Variants in CNTNAP2 observed in about 807,000 individuals in gnomAD.
CNTNAP2 encodes the protein contactin-associated protein-like 2.
A neutral mutation model predicts 155.2 loss-of-function variants in CNTNAP2; 98 were observed. That is an observed-to-expected ratio of 0.63 (90% CI 0.54 to 0.75). The LOEUF (loss-of-function observed/expected upper bound fraction) is 0.75, where lower values mean the gene tolerates loss of function less well. Ranked by LOEUF, CNTNAP2 falls within the 30% of genes least tolerant of loss-of-function variation. The probability of loss-of-function intolerance (pLI) is 0.00; values close to 1 mark genes in which losing one functional copy is unlikely to be tolerated. For missense variants in CNTNAP2, 1,727 were observed against 1,688.1 expected, an observed-to-expected ratio of 1.02 and a Z score of -0.40; for synonymous variants, 651 against 631.2, an observed-to-expected ratio of 1.03 and a Z score of -0.47.
At chr7:147,205,003 C>T (rs943548236) in intron 8 of CNTNAP2, among the ~76,000 whole-genome samples, 12 of 151,968 alleles carry the variant, frequency 7.9e-5, no homozygotes, top group Admixed American at 2.0e-4. Flanking sequence ...GTTTTTGTGC[C>T]AGTACCATGC....
intron 17 of CNTNAP2, among the ~76,000 whole-genome samples, chr7:148,168,076 G>A (rs1306482470): frequency 1.3e-5 from 2 of 152,082 alleles, no homozygotes; most frequent in East Asian, 3.9e-4. Flanking sequence ...GTGCTGGAGA[G>A]GATGTGGAGA....
chr7:147,131,589 G>A (rs1364258460), intron 7 of CNTNAP2, among the ~76,000 whole-genome samples: 1 of 151,872 alleles, frequency 6.6e-6, no homozygotes, highest in Non-Finnish European at 1.5e-5. Flanking sequence ...AGGAATTAAT[G>A]CATTGTGATA....
At chr7:146,483,064 C>T (rs2129128948) in intron 1 of CNTNAP2, among the ~76,000 whole-genome samples, 1 of 150,970 alleles carries the variant, frequency 6.6e-6, no homozygotes, top group Middle Eastern at 3.4e-3. Flanking sequence ...ATCATGAGGT[C>T]AGGAGATGGA....
intron 1 of CNTNAP2, among the ~76,000 whole-genome samples, chr7:146,739,131 AT>A (rs1801667887): frequency 1.3e-5 from 2 of 151,646 alleles, no homozygotes; most frequent in South Asian, 4.2e-4. Context: ...TCTCTATTTT[AT>A]TGATTTCTGC....
intron 3 of CNTNAP2, among the ~76,000 whole-genome samples, chr7:146,862,052 A>G (rs1445090652): frequency 6.6e-6 from 1 of 152,036 alleles, no homozygotes; most frequent in Non-Finnish European, 1.5e-5. Flanking sequence ...TGCCCATTTT[A>G]CCAGTTAGTG....
chr7:147,450,335 T>C (rs1043746082), intron 10 of CNTNAP2, among the ~76,000 whole-genome samples: 6 of 152,124 alleles, frequency 3.9e-5, no homozygotes, highest in African/African-American at 1.2e-4. Flanking sequence ...CCAGGAAACA[T>C]TATCCTCATG....
At chr7:147,339,947 C>T (rs1024665851) in intron 9 of CNTNAP2, among the ~76,000 whole-genome samples, 6 of 152,152 alleles carry the variant, frequency 3.9e-5, no homozygotes, top group Admixed American at 6.5e-5. Flanking sequence ...GATAAAAGCT[C>T]CTGCACTGCA....
At chr7:146,987,167 T>A (rs1418448621) in intron 3 of CNTNAP2, among the ~76,000 whole-genome samples, 1 of 152,140 alleles carries the variant, frequency 6.6e-6, no homozygotes, top group African/African-American at 2.4e-5. Flanking sequence ...CATAGTTCTT[T>A]GATGCCAACA....
intron 18 of CNTNAP2, among the ~76,000 whole-genome samples, chr7:148,188,368 G>A (rs1326720652): frequency 1.3e-5 from 2 of 152,190 alleles, no homozygotes; most frequent in Non-Finnish European, 2.9e-5. Flanking sequence ...TGAAGAAGGA[G>A]CATTGAGTTT....
chr7:146,379,794 G>C (rs1795355990), intron 1 of CNTNAP2, among the ~76,000 whole-genome samples: 1 of 152,066 alleles, frequency 6.6e-6, no homozygotes, highest in Non-Finnish European at 1.5e-5. Flanking sequence ...ACGATAATTT[G>C]GGTCACGTCC....
At chr7:146,616,382 T>C (rs1799224307) in intron 1 of CNTNAP2, among the ~76,000 whole-genome samples, 1 of 152,172 alleles carries the variant, frequency 6.6e-6, no homozygotes, top group African/African-American at 2.4e-5. Context: ...AATATTTATT[T>C]GTTCAGGCGG....
At chr7:148,208,301 T>C (rs1239575670) in intron 18 of CNTNAP2, among the ~76,000 whole-genome samples, 1 of 152,018 alleles carries the variant, frequency 6.6e-6, no homozygotes, top group African/African-American at 2.4e-5. Context: ...GGGGAGAGGA[T>C]CAGATTTGTG....
chr7:147,202,514 T>G (rs970212006), intron 8 of CNTNAP2, among the ~76,000 whole-genome samples: 1 of 152,118 alleles, frequency 6.6e-6, no homozygotes, highest in African/African-American at 2.4e-5. Flanking sequence ...CCATTAACCA[T>G]TGATCAAAAA....
intron 11 of CNTNAP2, among the ~76,000 whole-genome samples, chr7:147,523,614 G>A (rs764217985): frequency 2.0e-5 from 3 of 152,162 alleles, no homozygotes; most frequent in Non-Finnish European, 4.4e-5. Context: ...CCACACAGCT[G>A]AGCCTCCTCC....
In CNTNAP2 at chr7:146,132,062, A is replaced by C. The variant is rs77430809; in HGVS notation, c.97+15089A>C. On this transcript the variant is annotated intron_variant, in intron 1 of 23. Transcript: ENST00000361727. ...TTATAAATTACCCAATCTCAGGTAG[A>C]TTCTTTATAGCATTGCGAGAATGGA... 1.2e-3 allele frequency among the ~76,000 whole-genome samples: 185 copies of C among 152,332 alleles called. No homozygotes were observed. The Middle Eastern group carries it at 0.027, about 22-fold the overall frequency.
intron 3 of CNTNAP2, among the ~76,000 whole-genome samples, chr7:146,952,641 A>G (rs553619345): frequency 6.6e-6 from 1 of 152,248 alleles, no homozygotes; most frequent in Admixed American, 6.5e-5. Flanking sequence ...ATAATAGACA[A>G]ACAAAGAGCC....
chr7:146,165,371 G>A (rs1350430224), intron 1 of CNTNAP2, among the ~76,000 whole-genome samples: 2 of 152,046 alleles, frequency 1.3e-5, no homozygotes, highest in Admixed American at 6.6e-5. Context: ...CTTGAAACGT[G>A]GAATATGTTT....
chr7:147,084,674 T>C (rs1011623796), intron 4 of CNTNAP2, among the ~76,000 whole-genome samples: 2 of 147,396 alleles, frequency 1.4e-5, no homozygotes, highest in Admixed American at 6.9e-5. Flanking sequence ...ATATATAGCA[T>C]ATATAAGCAT....
chr7:146,903,124 A>G (rs1347184939), intron 3 of CNTNAP2, among the ~76,000 whole-genome samples: 1 of 152,192 alleles, frequency 6.6e-6, no homozygotes, highest in Non-Finnish European at 1.5e-5. Flanking sequence ...TTGTACCATT[A>G]AACAGGGTAT....
Sources: allele counts gnomAD v4.1 joint callset (sites outside exome capture counted in the v4.1 genomes callset), GRCh38; gene constraint gnomAD v4.1.1; transcripts MANE v1.5; gene names NCBI Gene and HGNC (gene_info 2026-07-23, HGNC 2026-07-21).